SLC16A14: variants seen among roughly 807,000 people sequenced by gnomAD.
SLC16A14 encodes monocarboxylate transporter 14.
SLC16A14 carries 14 observed loss-of-function variants against 35.8 expected under a neutral mutation model. The observed-to-expected ratio is 0.39, with a 90% CI of 0.26 to 0.61. SLC16A14 has a LOEUF of 0.61. Ranked by LOEUF, SLC16A14 falls within the 20% of genes least tolerant of loss-of-function variation. The pLI, the probability that SLC16A14 is intolerant of heterozygous loss-of-function variation, is 0.51. For synonymous variants in SLC16A14, 248 were observed against 258.9 expected (o/e 0.96, Z 0.40); for missense variants, 533 against 655.0 (o/e 0.81, Z 2.03).
At chr2:230,065,866 T>C (rs528172159) in intron 1 of SLC16A14, among the ~76,000 whole-genome samples, 1 of 152,126 alleles carries the variant, frequency 6.6e-6, no homozygotes, top group African/African-American at 2.4e-5. Context: ...TTAGAGGGTG[T>C]ATCTGTACCC....
Position 230,037,485 on chromosome 2 carries a change from T to C in SLC16A14, c.1428A>G (p.Ile476Met). ...ITQKYDFSFY[I>M]CGLLYMIGIL... Reference sequence around the variant, plus strand: ...TTCCTATCATGTAAAGCAAACCACATATGTAGAAGGAAAAATCATATTTTT... The same window carrying C: ...TTCCTATCATGTAAAGCAAACCACACATGTAGAAGGAAAAATCATATTTTT... The change falls in exon 5 of 5, where the codon ATA (isoleucine) becomes ATG (methionine). Residue 476 changes from isoleucine to methionine, a missense_variant. Ile to Met is a conservative substitution (Grantham distance 10). Coordinates refer to ENST00000295190, the MANE Select transcript of SLC16A14 (RefSeq NM_152527.5). 2 of 1,610,586 alleles carry C rather than the reference T, an allele frequency of 1.2e-6. No individual in the cohort carries two copies. The highest frequency in any genetic ancestry group is 1.7e-6 in the Non-Finnish European group (2 of 1,179,260).
chr2:230,047,587 G>A (rs551858021), intron 3 of SLC16A14, among the ~76,000 whole-genome samples: 2 of 152,300 alleles, frequency 1.3e-5, no homozygotes, highest in African/African-American at 4.8e-5. Flanking sequence ...TTACAGGTGG[G>A]AGCCACTGCT....
Position 230,037,137 on chromosome 2 carries a change from C to A in SLC16A14, c.*243G>T. On this transcript the variant is annotated 3_prime_UTR_variant, in exon 5 of 5. Coordinates refer to ENST00000295190, the MANE Select transcript of SLC16A14 (RefSeq NM_152527.5). ...GCATTTCTACCAATTACTTACTAGG[C>A]TGTCTTTGAACAACACTGTCATCTC... 3.6e-6 allele frequency: 1 copy of A among 277,902 alleles called. No homozygotes were observed. The highest frequency in any genetic ancestry group is 6.7e-6 in the Non-Finnish European group (1 of 148,782). 17.2% of individuals were successfully genotyped at this position (277,902 alleles called of 1,614,324 possible). A position where few individuals can be genotyped will look rare whatever the true frequency, so the allele number is the denominator to read the frequency against.
Position 230,045,902 on chromosome 2 carries a change from C to A in SLC16A14, c.1224G>T (p.Leu408=). The A allele has an allele frequency of 6.2e-7, 1 of 1,612,492 alleles. No homozygotes were observed. The highest frequency in any genetic ancestry group is 8.5e-7 in the Non-Finnish European group (1 of 1,178,614). The change falls in exon 4 of 5, where the codon CTG becomes CTT. Residue 408 remains leucine (L), a synonymous_variant. Coordinates refer to ENST00000295190, the MANE Select transcript of SLC16A14 (RefSeq NM_152527.5). The part of the protein sequence containing the change: ...ILPLMHTYAG[L]AVICALIGFS... Reference sequence around the variant, plus strand: ...ACCCTATCAGCGCACAGATGACCGCCAGGCCAGCGTACGTGTGCATCAACG... The same window carrying A: ...ACCCTATCAGCGCACAGATGACCGCAAGGCCAGCGTACGTGTGCATCAACG...
intron 1 of SLC16A14, among the ~76,000 whole-genome samples, chr2:230,063,959 G>T (rs1157940466): frequency 1.3e-5 from 2 of 152,114 alleles, no homozygotes; most frequent in Non-Finnish European, 2.9e-5. Context: ...CCAGGCACAT[G>T]TGGTGGCGCA....
Position 230,056,730 on chromosome 2 carries a change from C to T in SLC16A14, c.259+2364G>A, listed in dbSNP as rs965594685. 5.3e-5 allele frequency among the ~76,000 whole-genome samples: 8 copies of T among 151,950 alleles called. No individual in the cohort carries two copies. The South Asian group carries it at 1.5e-3, about 28-fold the overall frequency. ...CAAAAAGTTTTAAAAATCAGCAGGG[C>T]ATGGTAGCATATGCCTGTAGTTTTA... On this transcript the variant is annotated intron_variant, in intron 2 of 4. Transcript: ENST00000295190.
At chr2:230,047,173 C>T (rs1209251794) in intron 3 of SLC16A14, among the ~76,000 whole-genome samples, 2 of 152,156 alleles carry the variant, frequency 1.3e-5, no homozygotes, top group African/African-American at 4.8e-5. Flanking sequence ...CCAGAGACCC[C>T]AACCTGGCTC....
In SLC16A14 at chr2:230,037,446, A is replaced by G. The variant is rs770539751; in HGVS notation, c.1467T>C (p.Leu489=). Residue 489 remains leucine, a synonymous_variant, in exon 5 of 5, where the codon CTT becomes CTC. Transcript: ENST00000295190. ...CTATAATTCGAATGCACGGCTGAATAAGTAAAAAGAGTATTCCTATCATGT... is the reference window on the plus strand; with the variant it reads ...CTATAATTCGAATGCACGGCTGAATGAGTAAAAAGAGTATTCCTATCATGT... ...LLYMIGILFL[L]IQPCIRIIEQ... is the part of the protein sequence containing the mutation. 4.3e-6 allele frequency: 7 copies of G among 1,612,942 alleles called. No individual in the cohort carries two copies. In the South Asian group the frequency reaches 7.7e-5, roughly 18 times the overall value.
Position 230,035,012 on chromosome 2 carries a change from T to C in SLC16A14, c.*2368A>G, listed in dbSNP as rs1044847663. ...AGAGGACAACATTTATTTAGTTGTA[T>C]GTAAATAAAAATTACTTGGATACAT... is the stretch of plus-strand genomic sequence containing the variant. On this transcript the variant is annotated 3_prime_UTR_variant, in exon 5 of 5. Coordinates refer to ENST00000295190, the MANE Select transcript of SLC16A14 (RefSeq NM_152527.5). 4 of 152,238 alleles carry C rather than the reference T, an allele frequency of 2.6e-5. No homozygotes were observed. Among genetic ancestry groups the C allele is most frequent in the Non-Finnish European group, 5.9e-5 (4 of 68,044 alleles). 9.4% of individuals were successfully genotyped at this position (152,238 alleles called of 1,614,324 possible).
At chr2:230,061,612 G>A (rs1042805500) in intron 1 of SLC16A14, among the ~76,000 whole-genome samples, 3 of 152,196 alleles carry the variant, frequency 2.0e-5, no homozygotes, top group Non-Finnish European at 2.9e-5. Flanking sequence ...GTCACTCTAT[G>A]TACTCACTTG....
intron 3 of SLC16A14, among the ~76,000 whole-genome samples, chr2:230,048,977 T>C (rs1281546343): frequency 6.7e-6 from 1 of 149,642 alleles, no homozygotes; most frequent in Non-Finnish European, 1.5e-5. Context: ...ATGAACGTTA[T>C]TGGTTTCCTT....
intron 2 of SLC16A14, among the ~76,000 whole-genome samples, chr2:230,054,560 T>G (rs1356696145): frequency 6.6e-6 from 1 of 152,162 alleles, no homozygotes; most frequent in Non-Finnish European, 1.5e-5. Flanking sequence ...TTTTCCCCTT[T>G]AAATGTTGAA....
At chr2:230,067,996 C>T (rs910203667) in intron 1 of SLC16A14, 1 of 152,322 alleles carries the variant, frequency 6.6e-6, no homozygotes, top group Admixed American at 6.5e-5. Flanking sequence ...TCGGGCACCC[C>T]GCATCCCTCG....
rs977306024 is a variant in SLC16A14, at chr2:230,035,367, C to A, written c.*2013G>T. 2.6e-5 allele frequency: 4 copies of A among 152,618 alleles called. No homozygotes were observed. The highest frequency in any genetic ancestry group is 9.7e-5 in the African/African-American group (4 of 41,444). 9.5% of individuals were successfully genotyped at this position (152,618 alleles called of 1,614,324 possible). A position where few individuals can be genotyped will look rare whatever the true frequency, so the allele number is the denominator to read the frequency against. On this transcript the variant is annotated 3_prime_UTR_variant, in exon 5 of 5. Coordinates refer to ENST00000295190, the MANE Select transcript of SLC16A14 (RefSeq NM_152527.5). ...TATTGATGATACACAACCAGCAGTGCAAGCATTCAAATACATTGGCTATAG... is the reference window on the plus strand; with the variant it reads ...TATTGATGATACACAACCAGCAGTGAAAGCATTCAAATACATTGGCTATAG...
rs779045307 is a variant in SLC16A14, at chr2:230,046,091, G to A, written c.1035C>T (p.Asn345=). 23 of 1,614,020 alleles carry A rather than the reference G, an allele frequency of 1.4e-5. No individual in the cohort carries two copies. The South Asian group carries it at 1.5e-4, about 11-fold the overall frequency. The change falls in exon 4 of 5, where the codon AAC becomes AAT. Residue 345 remains asparagine, a synonymous_variant. Coordinates refer to ENST00000295190, the MANE Select transcript of SLC16A14 (RefSeq NM_152527.5). This position sits in a 1 kb window ranked among gnomAD's most constrained non-coding sequence, Gnocchi z 5.0. ...GGAAAACGTCGTTTTGCTCCGATAA[G>A]TTATACAAATTGACGATTTCTGGGA... is the stretch of plus-strand genomic sequence containing the variant. ...IHLPEIVNLY[N]LSEQNDVFPL... is the part of the protein sequence containing the mutation.
rs761735252 is a variant in SLC16A14, at chr2:230,046,506, G to GC, written c.619dup (p.Ala207GlyfsTer10). 1.2e-6 allele frequency: 2 copies of GC among 1,614,144 alleles called. No individual in the cohort carries two copies. The highest frequency in any genetic ancestry group is 3.3e-5 in the Admixed American group (2 of 60,028). ...ACCAGGAGAGAGGGGCCTCATGAGC[G>GC]CCCCACAAACACACAGGTTTAGGGA... On this transcript the variant is annotated frameshift_variant, in exon 4 of 5. Coordinates refer to ENST00000295190, the MANE Select transcript of SLC16A14 (RefSeq NM_152527.5). LOFTEE classifies it high-confidence loss of function. The surrounding 1 kb of genome is among the most constrained non-coding windows in gnomAD (Gnocchi z 5.0).
At chr2:230,050,014 G>T in intron 2 of SLC16A14, 110 bp from the exon 3 acceptor site, 1 of 1,278,554 alleles carries the variant, frequency 7.8e-7, no homozygotes, top group South Asian at 1.6e-5. Flanking sequence ...GCTGTTAAAT[G>T]ACACAAAAAG....
rs1345523691 is a variant in SLC16A14, at chr2:230,036,092, G to C, written c.*1288C>G. 6.6e-6 allele frequency: 1 copy of C among 152,636 alleles called. No homozygotes were observed. The highest frequency in any genetic ancestry group is 1.5e-5 in the Non-Finnish European group (1 of 68,040). The allele number at this position is 152,636 out of a possible 1,614,324, so 9.5% of individuals were successfully genotyped here. A position where few individuals can be genotyped will look rare whatever the true frequency, so the allele number is the denominator to read the frequency against. The stretch of plus-strand genomic sequence containing the variant: ...TGTGTGTGTGATGATCAAATTGTGA[G>C]TAGAAATTTAAATAGTCTTAAACTA... On this transcript the variant is annotated 3_prime_UTR_variant, in exon 5 of 5. Coordinates refer to ENST00000295190, the MANE Select transcript of SLC16A14 (RefSeq NM_152527.5).
intron 2 of SLC16A14, among the ~76,000 whole-genome samples, chr2:230,051,156 T>A (rs1028239675): frequency 4.6e-5 from 7 of 152,058 alleles, no homozygotes; most frequent in African/African-American, 1.4e-4. Context: ...TCTAGTTTTG[T>A]TTTGTTTTCT....
Sources: gnomAD v4.1 joint callset for allele counts (sites outside exome capture counted in the v4.1 genomes callset) on GRCh38, gnomAD v4.1.1 for gene constraint, Gnocchi (gnomAD v3.1) non-coding constraint, MANE v1.5 for transcripts, NCBI Gene and HGNC (gene_info 2026-07-23, HGNC 2026-07-21) for gene names.